Variants in UXS1 observed in about 807,000 individuals in gnomAD.
The protein encoded by UXS1 is UDP-glucuronic acid decarboxylase 1.
A neutral mutation model predicts 62.6 loss-of-function variants in UXS1; 33 were observed. The observed-to-expected ratio is 0.53, with a 90% CI of 0.40 to 0.70. The LOEUF (loss-of-function observed/expected upper bound fraction) is 0.70. Ranked by LOEUF, UXS1 falls within the 30% of genes least tolerant of loss-of-function variation. The probability of loss-of-function intolerance (pLI) is 0.00; values close to 1 mark genes in which losing one functional copy is unlikely to be tolerated. For synonymous variants in UXS1, 213 were observed against 206.8 expected, an observed-to-expected ratio of 1.03 and a Z score of -0.26; for missense variants, 434 against 556.3, an observed-to-expected ratio of 0.78 and a Z score of 2.21.
chr2:106,113,255 A>G (rs1204606386), intron 9 of UXS1, among the ~76,000 whole-genome samples: 1 of 151,064 alleles, frequency 6.6e-6, no homozygotes, highest in Non-Finnish European at 1.5e-5. Flanking sequence ...GGGACACAGA[A>G]ACGTTCTTAC....
chr2:106,169,877 T>C (rs1470647347), intron 1 of UXS1, among the ~76,000 whole-genome samples: 1 of 152,040 alleles, frequency 6.6e-6, no homozygotes, highest in East Asian at 1.9e-4. Context: ...GTGACGCCCA[T>C]GCTTCCCAGG....
At chr2:106,168,742 T>TGTATA (rs1031708401) in intron 1 of UXS1, among the ~76,000 whole-genome samples, 27 of 152,218 alleles carry the variant, frequency 1.8e-4, no homozygotes, top group African/African-American at 6.5e-4. Context: ...AGAGAATTGC[T>TGTATA]GTATAAATTG....
intron 8 of UXS1, 86 bp from the exon 9 acceptor site, chr2:106,123,177 C>G: frequency 1.9e-6 from 3 of 1,570,204 alleles, no homozygotes; most frequent in Non-Finnish European, 2.6e-6. Flanking sequence ...CAAAAGGGAA[C>G]TTCGGAAAGA....
chr2:106,143,408 C>CAAAAAAA (rs60493984), intron 6 of UXS1, among the ~76,000 whole-genome samples: 2,509 of 38,570 alleles, frequency 0.065, 607 homozygotes, highest in Non-Finnish European at 0.081. Context: ...GACTCCGTCT[C>CAAAAAAA]AAAAAAAAAA....
chr2:106,165,618 A>G (rs1029347614), intron 2 of UXS1, among the ~76,000 whole-genome samples: 2 of 152,160 alleles, frequency 1.3e-5, no homozygotes, highest in African/African-American at 4.8e-5. Flanking sequence ...TACAGGCCTA[A>G]CGCTGGACTA....
Position 106,100,962 on chromosome 2 carries a change from C to T in UXS1, c.984+96G>A, listed in dbSNP as rs192441479. 9 of 1,454,940 alleles carry T rather than the reference C, an allele frequency of 6.2e-6. No homozygotes were observed. The East Asian group carries it at 9.1e-5, about 15-fold the overall frequency. 90.1% of individuals were successfully genotyped at this position (1,454,940 alleles called of 1,614,324 possible). On this transcript the variant is annotated intron_variant, in intron 12 of 14. Coordinates refer to ENST00000283148, the MANE Select transcript of UXS1 (RefSeq NM_001253875.2). ...ACAAACACAAATGTCCTAAGTGTGC[C>T]GATGGCAAATGAAGCAAAGCCTGGT... is the stretch of plus-strand genomic sequence containing the variant.
chr2:106,143,534 T>A (rs546814207), intron 6 of UXS1, among the ~76,000 whole-genome samples: 1 of 148,672 alleles, frequency 6.7e-6, no homozygotes, highest in African/African-American at 2.5e-5. Flanking sequence ...ATTTAGAGGC[T>A]CAAAAAATAT....
At chr2:106,128,487 C>T (rs1360100133) in intron 7 of UXS1, among the ~76,000 whole-genome samples, 1 of 152,028 alleles carries the variant, frequency 6.6e-6, no homozygotes, top group Non-Finnish European at 1.5e-5. Context: ...ACACATGGCC[C>T]TCCCCAACGT....
At chr2:106,129,564 C>A in intron 7 of UXS1, 110 bp downstream of exon 7, 1 of 918,978 alleles carries the variant, frequency 1.1e-6, no homozygotes. Context: ...CAATAAGGGA[C>A]GAGGGAACAC....
At chr2:106,101,281 T>C (rs894651338) in intron 11 of UXS1, 163 bp from the exon 12 acceptor site, 3 of 678,662 alleles carry the variant, frequency 4.4e-6, no homozygotes, top group Non-Finnish European at 7.4e-6. Flanking sequence ...ACTAAGATGG[T>C]GTTTACAATG....
At chr2:106,170,611 G>T (rs1683496268) in intron 1 of UXS1, among the ~76,000 whole-genome samples, 1 of 152,078 alleles carries the variant, frequency 6.6e-6, no homozygotes, top group Admixed American at 6.6e-5. Context: ...ATTATCAAAA[G>T]CTCTACCTGC....
At chr2:106,146,845 G>A (rs1267682722) in intron 5 of UXS1, among the ~76,000 whole-genome samples, 1 of 151,122 alleles carries the variant, frequency 6.6e-6, no homozygotes, top group Non-Finnish European at 1.5e-5. Flanking sequence ...AGAAGTAAGG[G>A]GAGGCTATAA....
chr2:106,164,654 A>AT (rs1683102672), intron 3 of UXS1, 82 bp downstream of exon 3: 1 of 1,116,936 alleles, frequency 9.0e-7, no homozygotes, highest in Non-Finnish European at 1.3e-6. Context: ...AGCTGCCACA[A>AT]TAAGAATGAC....
chr2:106,126,696 T>C (rs1045927629), intron 7 of UXS1, among the ~76,000 whole-genome samples: 17 of 152,324 alleles, frequency 1.1e-4, no homozygotes, highest in African/African-American at 4.1e-4. Context: ...TCAAATTCAA[T>C]TGTACAAAGT....
intron 9 of UXS1, among the ~76,000 whole-genome samples, chr2:106,119,640 A>G (rs1457281926): frequency 2.6e-5 from 4 of 152,156 alleles, no homozygotes; most frequent in Non-Finnish European, 5.9e-5. Flanking sequence ...TGCTCAGAAC[A>G]CAGTCATAGT....
intron 9 of UXS1, among the ~76,000 whole-genome samples, chr2:106,117,514 T>C (rs1017794086): frequency 4.1e-5 from 6 of 147,690 alleles, no homozygotes; most frequent in East Asian, 2.2e-4. Flanking sequence ...TACTGTGCTA[T>C]ATCAAGCCAC....
intron 5 of UXS1, among the ~76,000 whole-genome samples, chr2:106,154,652 G>C (rs967731590): frequency 1.3e-5 from 2 of 152,186 alleles, no homozygotes; most frequent in African/African-American, 4.8e-5. Flanking sequence ...CTAGCTTCTA[G>C]AACTGTGAGG....
chr2:106,129,175 G>T (rs899537961), intron 7 of UXS1, among the ~76,000 whole-genome samples: 1 of 152,156 alleles, frequency 6.6e-6, no homozygotes, highest in African/African-American at 2.4e-5. Flanking sequence ...TCTAGGGCAG[G>T]TACTCAGTCT....
chr2:106,127,100 A>C (rs1028568662), intron 7 of UXS1, among the ~76,000 whole-genome samples: 4 of 152,210 alleles, frequency 2.6e-5, no homozygotes, highest in Non-Finnish European at 5.9e-5. Flanking sequence ...GCTGTGTAGA[A>C]TTCCCGGGGA....
Sources: gnomAD v4.1 joint callset for allele counts (sites outside exome capture counted in the v4.1 genomes callset) on GRCh38, gnomAD v4.1.1 for gene constraint, MANE v1.5 for transcripts, NCBI Gene and HGNC (gene_info 2026-07-23, HGNC 2026-07-21) for gene names.